Variants in ZNF469 observed in about 807,000 individuals in gnomAD.
ZNF469 encodes the protein zinc finger protein 469.
In ZNF469, 1 loss-of-function variant was observed where a neutral mutation model predicts 1.0. The observed-to-expected ratio is 1.00, with a 90% CI of 0.35 to 4.73. The LOEUF (loss-of-function observed/expected upper bound fraction) is 4.73, where lower values mean the gene tolerates loss of function less well. ZNF469 is among the 30% of genes most tolerant of loss of function. ZNF469 has a pLI of 0.16. For synonymous variants in ZNF469, 2,703 were observed against 2,363.4 expected, an observed-to-expected ratio of 1.14 and a Z score of -4.17; for missense variants, 6,100 against 5,356.3, an observed-to-expected ratio of 1.14 and a Z score of -4.33.
the ZNF469 span, among the ~76,000 whole-genome samples, chr16:88,268,271 T>C: frequency 6.6e-6 from 1 of 152,224 alleles, no homozygotes. Flanking sequence ...CTTAAGTCTC[T>C]GTGGTGCATT....
chr16:88,323,795 C>T, the ZNF469 span, among the ~76,000 whole-genome samples: 4,700 of 152,232 alleles, frequency 0.031, 212 homozygotes, highest in East Asian at 0.16. Context: ...CATGCCAGAC[C>T]GCAGCTGTGC....
chr16:88,242,155 C>G, the ZNF469 span, among the ~76,000 whole-genome samples: 1 of 152,222 alleles, frequency 6.6e-6, no homozygotes, highest in Non-Finnish European at 1.5e-5. Context: ...GAGCCCAGCG[C>G]TCTGCAACCG....
the ZNF469 span, among the ~76,000 whole-genome samples, chr16:88,376,066 C>A: frequency 6.6e-6 from 1 of 152,208 alleles, no homozygotes; most frequent in Non-Finnish European, 1.5e-5. Flanking sequence ...GCATTCATGG[C>A]AGGTTCAGGG....
chr16:88,135,519 A>C, the ZNF469 span, among the ~76,000 whole-genome samples: 1 of 152,050 alleles, frequency 6.6e-6, no homozygotes, highest in African/African-American at 2.4e-5. Context: ...TGAGGGGTGA[A>C]AACTTGGGGT....
chr16:88,291,753 C>G, the ZNF469 span, among the ~76,000 whole-genome samples: 52 of 152,214 alleles, frequency 3.4e-4, 1 homozygote, highest in African/African-American at 1.2e-3. Flanking sequence ...GAAATGGAGC[C>G]GCCATATTGG....
the ZNF469 span, among the ~76,000 whole-genome samples, chr16:88,310,171 G>A: frequency 2.9e-4 from 44 of 152,318 alleles, 1 homozygote; most frequent in Middle Eastern, 3.4e-3. Context: ...TGGCATGAGA[G>A]CAAATCTCTG....
chr16:88,395,416 CAT>C (rs1054535987), intron 1 of ZNF469, among the ~76,000 whole-genome samples: 5 of 151,912 alleles, frequency 3.3e-5, no homozygotes, highest in African/African-American at 1.2e-4. Context: ...AAGATACACA[CAT>C]ATATACAGAT....
At chr16:88,103,575 G>T in the ZNF469 span, among the ~76,000 whole-genome samples, 1 of 152,206 alleles carries the variant, frequency 6.6e-6, no homozygotes, top group African/African-American at 2.4e-5. Context: ...CCTTGGGGGG[G>T]ATCAGGAGAG....
chr16:88,370,831 G>A, the ZNF469 span, among the ~76,000 whole-genome samples: 2 of 152,336 alleles, frequency 1.3e-5, no homozygotes, highest in Admixed American at 1.3e-4. Context: ...TGGCGATGGG[G>A]CAGTAGCAAG....
the ZNF469 span, among the ~76,000 whole-genome samples, chr16:88,354,259 G>C: frequency 1.3e-5 from 2 of 152,210 alleles, no homozygotes; most frequent in Non-Finnish European, 2.9e-5. Flanking sequence ...AGGGGGACCA[G>C]GGAGAAGCAA....
chr16:88,123,680 G>A, the ZNF469 span, among the ~76,000 whole-genome samples: 1 of 152,040 alleles, frequency 6.6e-6, no homozygotes, highest in Non-Finnish European at 1.5e-5. Flanking sequence ...TGTAGGGATG[G>A]GTTGCGTATT....
the ZNF469 span, among the ~76,000 whole-genome samples, chr16:88,127,711 C>A: frequency 6.6e-6 from 1 of 152,160 alleles, no homozygotes; most frequent in Non-Finnish European, 1.5e-5. Flanking sequence ...GAGCACTGGG[C>A]TGAGGGTGGG....
In ZNF469 at chr16:88,400,054, G is replaced by A. The variant is rs1008963587; in HGVS notation, c.-192+16800G>A. ...AGGGTGAGTGAGGGCCGGCTGAAGT[G>A]TGGCAGGGACGTGGGGTGAAGGGAG... On this transcript the variant is annotated intron_variant, in intron 1 of 2. Coordinates refer to ENST00000565624, the MANE Select transcript of ZNF469 (RefSeq NM_001367624.2). Among the ~76,000 whole-genome samples the A allele has an allele frequency of 6.6e-5, 10 of 152,384 alleles. No homozygotes were observed. The East Asian group carries it at 9.6e-4, about 15-fold the overall frequency.
chr16:88,310,815 G>A, the ZNF469 span, among the ~76,000 whole-genome samples: 1 of 152,160 alleles, frequency 6.6e-6, no homozygotes, highest in African/African-American at 2.4e-5. Flanking sequence ...TTTTTAATAG[G>A]CTTTTTAAAA....
the ZNF469 span, among the ~76,000 whole-genome samples, chr16:88,167,753 G>A: frequency 1.7e-3 from 258 of 152,336 alleles, 2 homozygotes; most frequent in African/African-American, 5.4e-3. Flanking sequence ...TGGGGGGTGG[G>A]TGTGGCCACC....
the ZNF469 span, among the ~76,000 whole-genome samples, chr16:88,119,576 G>A: frequency 2.0e-4 from 31 of 152,220 alleles, no homozygotes; most frequent in Non-Finnish European, 4.1e-4. Context: ...CTGCTCCTGG[G>A]TCACGGGGCC....
chr16:88,145,660 G>A, the ZNF469 span, among the ~76,000 whole-genome samples: 1 of 152,264 alleles, frequency 6.6e-6, no homozygotes, highest in Admixed American at 6.5e-5. Flanking sequence ...GACCAGAGCT[G>A]GATGTTGTGT....
chr16:88,267,028 C>T, the ZNF469 span, among the ~76,000 whole-genome samples: 5 of 152,246 alleles, frequency 3.3e-5, no homozygotes, highest in Non-Finnish European at 5.9e-5. Context: ...AACTGGATTC[C>T]AGGCGCTCCG....
chr16:88,349,149 C>T, the ZNF469 span, among the ~76,000 whole-genome samples: 4 of 152,194 alleles, frequency 2.6e-5, no homozygotes, highest in African/African-American at 9.7e-5. Context: ...CACTCGTCCC[C>T]CCTCACCAGC....
Sources: gnomAD v4.1 joint callset for allele counts (sites outside exome capture counted in the v4.1 genomes callset) on GRCh38, gnomAD v4.1.1 for gene constraint, MANE v1.5 for transcripts, NCBI Gene and HGNC (gene_info 2026-07-23, HGNC 2026-07-21) for gene names.